Variants in PCCA observed in about 807,000 individuals in gnomAD.
The protein encoded by PCCA is propionyl-CoA carboxylase alpha chain, mitochondrial.
A neutral mutation model predicts 101.3 loss-of-function variants in PCCA; 74 were observed. That is an observed-to-expected ratio of 0.73 (90% CI 0.61 to 0.89). The LOEUF is 0.89. Among genes scored for constraint, PCCA ranks in the 40% least tolerant of loss-of-function variants. PCCA has a pLI of 0.00. For synonymous variants in PCCA, 294 were observed against 313.6 expected (o/e 0.94, Z 0.66); for missense variants, 891 against 907.0 (o/e 0.98, Z 0.23).
At chr13:100,132,270 C>CCATTACCCCTCAGACTCCCTTGTGAGG (rs2050600320) in intron 4 of PCCA, among the ~76,000 whole-genome samples, 1 of 133,798 alleles carries the variant, frequency 7.5e-6, no homozygotes, top group African/African-American at 2.9e-5. Context: ...CAGAGTAGTT[C>CCATTACCCCTCAGACTCCCTTGTGAGG]CATTACCCCT....
chr13:100,213,023 A>G (rs1173289768), intron 7 of PCCA, among the ~76,000 whole-genome samples: 1 of 152,154 alleles, frequency 6.6e-6, no homozygotes, highest in African/African-American at 2.4e-5. Flanking sequence ...TTCATTTAAC[A>G]TAATGTCCTC....
At chr13:100,134,260 A>G (rs958916667) in intron 4 of PCCA, among the ~76,000 whole-genome samples, 4 of 152,054 alleles carry the variant, frequency 2.6e-5, no homozygotes, top group African/African-American at 9.7e-5. Flanking sequence ...GTTCTTTTTC[A>G]TTCATCTGTG....
intron 16 of PCCA, among the ~76,000 whole-genome samples, chr13:100,326,335 T>C (rs1283181900): frequency 6.6e-6 from 1 of 152,080 alleles, no homozygotes; most frequent in African/African-American, 2.4e-5. Flanking sequence ...TGCTTCTGAA[T>C]TGGTGCCAGA....
At chr13:100,372,700 C>T (rs1024599351) in intron 19 of PCCA, among the ~76,000 whole-genome samples, 5 of 151,984 alleles carry the variant, frequency 3.3e-5, no homozygotes, top group African/African-American at 9.7e-5. Context: ...ACCCACAGAA[C>T]GGGAGAAAAT....
intron 21 of PCCA, among the ~76,000 whole-genome samples, chr13:100,500,289 G>T (rs2085576121): frequency 6.6e-6 from 1 of 151,044 alleles, no homozygotes; most frequent in African/African-American, 2.4e-5. Flanking sequence ...AAGGGCAGTG[G>T]TGGTCTGGCG....
At chr13:100,107,791 C>T (rs1452411012) in intron 2 of PCCA, among the ~76,000 whole-genome samples, 3 of 152,162 alleles carry the variant, frequency 2.0e-5, no homozygotes, top group Non-Finnish European at 1.5e-5. Flanking sequence ...ATAGCCATTA[C>T]CTGATAGATG....
chr13:100,410,047 AC>A (rs890927499), intron 19 of PCCA, among the ~76,000 whole-genome samples: 3 of 152,132 alleles, frequency 2.0e-5, no homozygotes, highest in Non-Finnish European at 4.4e-5. Flanking sequence ...GGCGTGAGCA[AC>A]CATGCCCAGC....
intron 19 of PCCA, among the ~76,000 whole-genome samples, chr13:100,385,320 G>A (rs981519903): frequency 3.9e-5 from 6 of 152,114 alleles, no homozygotes; most frequent in South Asian, 2.1e-4. Flanking sequence ...TAAAACTGTC[G>A]TAAGTGAAGC....
At chr13:100,411,225 ATT>A (rs566218424) in intron 19 of PCCA, among the ~76,000 whole-genome samples, 48 of 135,598 alleles carry the variant, frequency 3.5e-4, no homozygotes, top group African/African-American at 3.8e-4. Context: ...GTGCCTCTTG[ATT>A]TTTTTTTTTT....
chr13:100,288,101 G>T (rs1340924362), intron 12 of PCCA, among the ~76,000 whole-genome samples: 2 of 152,054 alleles, frequency 1.3e-5, no homozygotes, highest in African/African-American at 4.8e-5. Flanking sequence ...GAAAGAGATA[G>T]ACGGAGTTTT....
At chr13:100,208,614 T>C (rs748833817) in intron 6 of PCCA, among the ~76,000 whole-genome samples, 1 of 152,178 alleles carries the variant, frequency 6.6e-6, no homozygotes, top group Non-Finnish European at 1.5e-5. Flanking sequence ...TTGTTCTGTC[T>C]CTAGATCTAT....
At chr13:100,455,973 TACAGA>T (rs1387073286) in intron 21 of PCCA, among the ~76,000 whole-genome samples, 1 of 152,234 alleles carries the variant, frequency 6.6e-6, no homozygotes, top group Non-Finnish European at 1.5e-5. Flanking sequence ...GTGCTGGGAT[TACAGA>T]TGTGAGCCAC....
At chr13:100,462,757 C>T (rs1323551131) in intron 21 of PCCA, among the ~76,000 whole-genome samples, 1 of 152,180 alleles carries the variant, frequency 6.6e-6, no homozygotes, top group Non-Finnish European at 1.5e-5. Context: ...TCATCTTACA[C>T]TGGTGACAGA....
intron 18 of PCCA, among the ~76,000 whole-genome samples, chr13:100,366,865 A>C (rs116912756): frequency 1.2e-3 from 177 of 152,284 alleles, no homozygotes; most frequent in Non-Finnish European, 2.2e-3. Context: ...GCAGATCAAG[A>C]AGTGGTAGGT....
intron 4 of PCCA, among the ~76,000 whole-genome samples, chr13:100,134,992 A>G (rs1367880564): frequency 1.3e-5 from 2 of 149,340 alleles, no homozygotes; most frequent in African/African-American, 2.5e-5. Flanking sequence ...TCCTCCCACC[A>G]CAGCCTCCCA....
intron 4 of PCCA, among the ~76,000 whole-genome samples, chr13:100,127,834 C>G (rs1304506909): frequency 6.6e-6 from 1 of 152,090 alleles, no homozygotes; most frequent in African/African-American, 2.4e-5. Context: ...AGAGCTTGCA[C>G]TGAGCCGAGA....
At chr13:100,294,475 C>T (rs1037541178) in intron 12 of PCCA, among the ~76,000 whole-genome samples, 1 of 151,820 alleles carries the variant, frequency 6.6e-6, no homozygotes, top group Admixed American at 6.6e-5. Context: ...GTATACATAG[C>T]ATATAAAAAT....
intron 19 of PCCA, among the ~76,000 whole-genome samples, chr13:100,424,968 G>A (rs1303748910): frequency 6.6e-6 from 1 of 152,052 alleles, no homozygotes; most frequent in African/African-American, 2.4e-5. Context: ...AATTAGCTAT[G>A]ATTTTTAAAT....
chr13:100,441,464 G>GT (rs1343862469), intron 20 of PCCA, among the ~76,000 whole-genome samples: 1 of 152,068 alleles, frequency 6.6e-6, no homozygotes, highest in Non-Finnish European at 1.5e-5. Context: ...TTGATTTATT[G>GT]TTTTGCAAAT....
Sources: allele counts gnomAD v4.1 joint callset (sites outside exome capture counted in the v4.1 genomes callset), GRCh38; gene constraint gnomAD v4.1.1; transcripts MANE v1.5; gene names NCBI Gene and HGNC (gene_info 2026-07-23, HGNC 2026-07-21).